ADAR: variants seen among roughly 807,000 people sequenced by gnomAD.
ADAR encodes adenosine deaminase RNA specific, also known as double-stranded RNA-specific adenosine deaminase.
In ADAR, 41 loss-of-function variants were observed where a neutral mutation model predicts 113.2. The observed-to-expected ratio is 0.36, with a 90% CI of 0.28 to 0.47. ADAR has a LOEUF of 0.47. Ranked by LOEUF, ADAR falls within the 20% of genes least tolerant of loss-of-function variation. The pLI is 1.00. For missense variants in ADAR, 1,242 were observed against 1,540.9 expected, an observed-to-expected ratio of 0.81 and a Z score of 3.25; for synonymous variants, 605 against 572.6, an observed-to-expected ratio of 1.06 and a Z score of -0.81.
rs1233818061 is a variant in ADAR at position 154,582,679 on chromosome 1, C to G, written c.*2127G>C. ...GAAGAGGCAGCTGGCCAGAGCTCTGCTGGAGAACCTAATGCCCAAGATGGA... is the reference window on the plus strand; with the variant it reads ...GAAGAGGCAGCTGGCCAGAGCTCTGGTGGAGAACCTAATGCCCAAGATGGA... On this transcript the variant is annotated 3_prime_UTR_variant, in exon 15 of 15. Coordinates refer to ENST00000368474, the MANE Select transcript of ADAR (RefSeq NM_001111.5). 4 of 152,516 alleles carry G rather than the reference C, an allele frequency of 2.6e-5. No homozygotes were observed. Among genetic ancestry groups the G allele is most frequent in the African/African-American group, 9.7e-5 (4 of 41,444 alleles). 9.4% of individuals were successfully genotyped at this position (152,516 alleles called of 1,614,324 possible). A position where few individuals can be genotyped will look rare whatever the true frequency, so the allele number is the denominator to read the frequency against.
chr1:154,597,816 CG>C lies in ADAR; in HGVS notation c.1934+11del. 1 of 1,614,066 alleles carries C rather than the reference CG, an allele frequency of 6.2e-7. No individual in the cohort carries two copies. Among genetic ancestry groups the C allele is most frequent in the Non-Finnish European group, 8.5e-7 (1 of 1,180,022 alleles). The stretch of plus-strand genomic sequence containing the variant: ...GAAAACCTCAGCTGGACAGAGGACA[CG>C]TAGGACATACTTGGGTTCATGGGCA... On this transcript the variant is annotated intron_variant, in intron 4 of 14. Coordinates refer to ENST00000368474, the MANE Select transcript of ADAR (RefSeq NM_001111.5).
intron 12 of ADAR, 115 bp from the exon 13 acceptor site, chr1:154,585,980 G>A (rs999043640): frequency 1.4e-5 from 17 of 1,214,294 alleles, no homozygotes; most frequent in Non-Finnish European, 2.0e-5. Flanking sequence ...AAGAGAAACA[G>A]CTGCCTTGTT....
chr1:154,588,794 T>A lies in ADAR; in HGVS notation c.2763-121A>T, dbSNP rs1032904822. ...TCTCAATGTTGCAGACGTTTCACAG[T>A]TTATCAGGTGGAAATTCTCCAGGGG... On this transcript the variant is annotated intron_variant, in intron 9 of 14. Transcript: ENST00000368474. 15 of 1,374,158 alleles carry A rather than the reference T, an allele frequency of 1.1e-5. 1 individual carries two copies. The South Asian group carries it at 1.8e-4, about 16-fold the overall frequency. The allele number at this position is 1,374,158 out of a possible 1,614,324, so 85.1% of individuals were successfully genotyped here. A position where few individuals can be genotyped will look rare whatever the true frequency, so the allele number is the denominator to read the frequency against.
chr1:154,614,441 C>T (rs1698579166), intron 1 of ADAR, among the ~76,000 whole-genome samples: 1 of 152,240 alleles, frequency 6.6e-6, no homozygotes, highest in South Asian at 2.1e-4. Context: ...GGGGGCTGCT[C>T]TCAGCCCCAG....
chr1:154,593,483 T>G (rs577505900), intron 6 of ADAR, among the ~76,000 whole-genome samples: 21 of 152,192 alleles, frequency 1.4e-4, no homozygotes, highest in Non-Finnish European at 2.9e-4. Flanking sequence ...TAGTAAGTTC[T>G]TACATTCTCA....
At chr1:154,607,499 C>T (rs1184484543) in intron 1 of ADAR, among the ~76,000 whole-genome samples, 1 of 151,332 alleles carries the variant, frequency 6.6e-6, no homozygotes, top group African/African-American at 2.4e-5. Context: ...GCTCAAAGTC[C>T]GAACGTTGTT....
rs753959203 is a variant in ADAR, at chr1:154,602,435, TG to T, written c.206del (p.Pro69GlnfsTer65). Reference protein sequence around the residue: ...KQTPSLPPSLPGLRPRFPVLL... With the variant: ...KQTPSLPPSLXGLRPRFPVLL... ...GTACTGGAAACCTTGGCCGGAGTCC[TG>T]GGAGGGAAGGTGGCAGTGACGGTGT... On this transcript the variant is annotated frameshift_variant, in exon 2 of 15. Transcript: ENST00000368474. LOFTEE classifies it high-confidence loss of function. The T allele has an allele frequency of 1.9e-6, 3 of 1,611,700 alleles. No homozygotes were observed. In the South Asian group the frequency reaches 3.3e-5, roughly 18 times the overall value.
At chr1:154,622,679 G>C (rs1698823068) in intron 1 of ADAR, among the ~76,000 whole-genome samples, 1 of 152,194 alleles carries the variant, frequency 6.6e-6, no homozygotes, top group Non-Finnish European at 1.5e-5. Context: ...CATATGGGAA[G>C]AGGTGTGCTA....
intron 9 of ADAR, among the ~76,000 whole-genome samples, 163 bp downstream of exon 9, chr1:154,589,206 A>G (rs1224795345): frequency 6.6e-6 from 1 of 152,244 alleles, no homozygotes; most frequent in Non-Finnish European, 1.5e-5. Context: ...GATGGATTCC[A>G]TCAGACAGGT....
At position 154,590,378 on chromosome 1, in the gene ADAR, A is replaced by T; in HGVS notation, c.2302T>A (p.Trp768Arg). The T allele has an allele frequency of 6.2e-7, 1 of 1,614,136 alleles. No individual in the cohort carries two copies. Among genetic ancestry groups the T allele is most frequent in the Non-Finnish European group, 8.5e-7 (1 of 1,180,040 alleles). Reference sequence around the variant, plus strand: ...CTGTGTGCGCAGACGGCTGGGAACCAGCGACCCCCAACTTTTGCTTGGTAA... The same window carrying T: ...CTGTGTGCGCAGACGGCTGGGAACCTGCGACCCCCAACTTTTGCTTGGTAA... Reference protein sequence around the residue: ...FVYQAKVGGRWFPAVCAHSKK... With the variant: ...FVYQAKVGGRRFPAVCAHSKK... Residue 768 changes from tryptophan to arginine, a missense_variant, in exon 7 of 15, where the codon TGG becomes AGG. Trp to Arg is a moderately radical substitution (Grantham distance 101, BLOSUM62 -3). This residue lies in a region of ADAR where 780 missense variants were observed against 1,057.9 expected (regional missense o/e 0.74). Coordinates refer to ENST00000368474, the MANE Select transcript of ADAR (RefSeq NM_001111.5).
chr1:154,587,974 C>T (rs1696875391), intron 11 of ADAR, 151 bp downstream of exon 11: 1 of 1,237,014 alleles, frequency 8.1e-7, no homozygotes, highest in Non-Finnish European at 1.2e-6. Context: ...TCTTACCACA[C>T]AGCTCCCTGA....
exon 1 of ADAR, chr1:154,627,925 A>ACCCCCCCCCCCCC: frequency 2.4e-5 from 7 of 293,252 alleles, no homozygotes; most frequent in Non-Finnish European, 3.4e-5. Context: ...CCCTCCCCCC[A>ACCCCCCCCCCCCC]CCCTCCCCCA....
At chr1:154,605,960 A>G in intron 1 of ADAR, 2 of 941,252 alleles carry the variant, frequency 2.1e-6, no homozygotes, top group South Asian at 9.8e-5. Flanking sequence ...CTGTCTATAG[A>G]AGAATTAAAT....
chr1:154,597,689 G>C (rs1697591825), intron 4 of ADAR, 139 bp downstream of exon 4: 16 of 1,145,676 alleles, frequency 1.4e-5, no homozygotes, highest in Non-Finnish European at 1.9e-5. Context: ...GCAGCAACCA[G>C]GACCTCAGAG....
intron 1 of ADAR, among the ~76,000 whole-genome samples, chr1:154,607,691 T>C (rs1362916021): frequency 1.3e-5 from 2 of 151,734 alleles, no homozygotes; most frequent in East Asian, 3.9e-4. Flanking sequence ...AATTCACAAA[T>C]TCCTAAACCA....
At chr1:154,591,112 A>G (rs1424725039) in intron 6 of ADAR, among the ~76,000 whole-genome samples, 1 of 152,242 alleles carries the variant, frequency 6.6e-6, no homozygotes, top group African/African-American at 2.4e-5. Context: ...GCTGTAAAAC[A>G]GAATATGATA....
intron 3 of ADAR, 34 bp from the exon 4 acceptor site, chr1:154,598,010 C>T (rs1156878572): frequency 3.1e-6 from 5 of 1,605,680 alleles, no homozygotes; most frequent in Admixed American, 1.7e-5. Flanking sequence ...GAAAACAAAA[C>T]TAAGAAAACA....
chr1:154,614,713 T>C (rs1698585181), intron 1 of ADAR, among the ~76,000 whole-genome samples: 1 of 152,236 alleles, frequency 6.6e-6, no homozygotes, highest in Non-Finnish European at 1.5e-5. Context: ...AATTGACCAG[T>C]TTTTATTCTG....
At position 154,588,141 on chromosome 1, in the gene ADAR, G is replaced by A; in HGVS notation, c.3003C>T (p.Arg1001=). 1 of 1,613,914 alleles carries A rather than the reference G, an allele frequency of 6.2e-7. No homozygotes were observed. The highest frequency in any genetic ancestry group is 1.1e-5 in the South Asian group (1 of 91,072). ...VFENPKQGKL[R]TKVENGEGTI... ...ATCACTCACCGTTCTCCACCTTGGTGCGGAGCTTTCCTTGTTTGGGATTCT... is the reference window on the plus strand; with the variant it reads ...ATCACTCACCGTTCTCCACCTTGGTACGGAGCTTTCCTTGTTTGGGATTCT... Residue 1001 remains arginine (R), a synonymous_variant, in exon 11 of 15, where the codon CGC becomes CGT. Coordinates refer to ENST00000368474, the MANE Select transcript of ADAR (RefSeq NM_001111.5).
Sources: allele counts gnomAD v4.1 joint callset (sites outside exome capture counted in the v4.1 genomes callset), GRCh38; gene constraint gnomAD v4.1.1; regional missense constraint gnomAD v4.1.1; transcripts MANE v1.5; gene names NCBI Gene and HGNC (gene_info 2026-07-23, HGNC 2026-07-21).